Variants in PLCL2 observed in about 807,000 individuals in gnomAD.
PLCL2 encodes phospholipase C like 2, also known as inactive phospholipase C-like protein 2.
In PLCL2, 4 loss-of-function variants were observed where a neutral mutation model predicts 79.6. That is an observed-to-expected ratio of 0.05 (90% CI 0.02 to 0.11). The LOEUF (loss-of-function observed/expected upper bound fraction) is 0.11. PLCL2 is among the 10% of genes least tolerant of loss of function. PLCL2 has a pLI of 1.00. For missense variants in PLCL2, 895 were observed against 1,291.0 expected (o/e 0.69, Z 4.70); for synonymous variants, 484 against 457.7 (o/e 1.06, Z -0.73).
chr3:16,992,146 A>C (rs1456779581), intron 1 of PLCL2, among the ~76,000 whole-genome samples: 1 of 152,204 alleles, frequency 6.6e-6, no homozygotes, highest in Non-Finnish European at 1.5e-5. Context: ...TTTTGACTTA[A>C]AATGAGAGAT....
At chr3:16,896,050 T>G (rs1429255023) in intron 1 of PLCL2, among the ~76,000 whole-genome samples, 3 of 152,222 alleles carry the variant, frequency 2.0e-5, no homozygotes, top group Non-Finnish European at 4.4e-5. Context: ...TAAAAATCCA[T>G]TAGGTTTTAC....
At chr3:16,976,523 A>C (rs549040702) in intron 1 of PLCL2, among the ~76,000 whole-genome samples, 1 of 152,322 alleles carries the variant, frequency 6.6e-6, no homozygotes, top group Non-Finnish European at 1.5e-5. Flanking sequence ...CTTTACTTAA[A>C]GTCAATTTAT....
Position 16,947,547 on chromosome 3 carries a change from C to T in PLCL2, c.328-62127C>T, listed in dbSNP as rs192686753. 5.6e-4 allele frequency among the ~76,000 whole-genome samples: 85 copies of T among 152,324 alleles called. 1 individual carries two copies. Among genetic ancestry groups the T allele is most frequent in the Admixed American group, 5.6e-3 (85 of 15,292 alleles). The stretch of plus-strand genomic sequence containing the variant: ...TGCACTTTTGGAGAGTATTTCATCA[C>T]ATCCATGGGGTGGAAGTGTTTTAGA... On this transcript the variant is annotated intron_variant, in intron 1 of 5. Transcript: ENST00000615277.
rs145166776 is a variant in PLCL2 at position 16,984,931 on chromosome 3, TA to T, written c.328-24733del. ...TGGGCAACAGAGCGAGACTACGTCT[TA>T]AAAAAAAAAGTCCCTATTATCCCTA... is the stretch of plus-strand genomic sequence containing the variant. On this transcript the variant is annotated intron_variant, in intron 1 of 5. Coordinates refer to ENST00000615277, the MANE Select transcript of PLCL2 (RefSeq NM_001144382.2). 9.4e-5 allele frequency among the ~76,000 whole-genome samples: 14 copies of T among 149,020 alleles called. 1 individual carries two copies. Among genetic ancestry groups the T allele is most frequent in the African/African-American group, 2.5e-4 (10 of 40,342 alleles).
intron 1 of PLCL2, among the ~76,000 whole-genome samples, chr3:16,977,607 A>G (rs900966004): frequency 7.9e-5 from 12 of 152,152 alleles, no homozygotes; most frequent in African/African-American, 2.7e-4. Flanking sequence ...TAGCCTCTAT[A>G]AGGTTCTAGA....
Position 16,894,998 on chromosome 3 carries a change from GAT to G in PLCL2, c.327+9639_327+9640del, listed in dbSNP as rs778652801. ...TAAATGCCAATGTAATTATTCAGAT[GAT>G]ATATATGTTTTGTGATATATCACAA... On this transcript the variant is annotated intron_variant, in intron 1 of 5. Coordinates refer to ENST00000615277, the MANE Select transcript of PLCL2 (RefSeq NM_001144382.2). 8.6e-5 allele frequency among the ~76,000 whole-genome samples: 13 copies of G among 151,788 alleles called. 1 individual carries two copies. The highest frequency in any genetic ancestry group is 4.2e-4 in the South Asian group (2 of 4,814).
intron 5 of PLCL2, among the ~76,000 whole-genome samples, chr3:17,075,546 A>T (rs1212147819): frequency 2.1e-5 from 1 of 47,858 alleles, no homozygotes. Context: ...TTCAATGTGT[A>T]AAAAAAAAAA....
At chr3:16,992,040 T>C (rs1426005302) in intron 1 of PLCL2, among the ~76,000 whole-genome samples, 1 of 152,104 alleles carries the variant, frequency 6.6e-6, no homozygotes, top group East Asian at 1.9e-4. Flanking sequence ...ACTTGAAGAG[T>C]TGAATTTTCA....
intron 1 of PLCL2, among the ~76,000 whole-genome samples, chr3:17,004,464 G>T (rs1191186064): frequency 1.3e-5 from 2 of 152,106 alleles, no homozygotes; most frequent in Non-Finnish European, 2.9e-5. Context: ...TTGCAATAAA[G>T]GGCCTTTCCA....
intron 1 of PLCL2, among the ~76,000 whole-genome samples, chr3:16,908,715 T>C (rs1696806323): frequency 6.6e-6 from 1 of 151,986 alleles, no homozygotes; most frequent in Non-Finnish European, 1.5e-5. Flanking sequence ...GTCTGGGAGG[T>C]GGGCAGCTCA....
At chr3:16,996,742 C>A (rs934830030) in intron 1 of PLCL2, among the ~76,000 whole-genome samples, 2 of 151,874 alleles carry the variant, frequency 1.3e-5, no homozygotes, top group Non-Finnish European at 2.9e-5. Context: ...CTCCATGTGG[C>A]CGTTTGGTAG....
intron 1 of PLCL2, among the ~76,000 whole-genome samples, chr3:16,911,183 G>A (rs576122901): frequency 0.013 from 1,941 of 151,434 alleles, 29 homozygotes; most frequent in Non-Finnish European, 0.02. Context: ...AACCCGGGGG[G>A]CGGAGGTTGT....
intron 1 of PLCL2, among the ~76,000 whole-genome samples, chr3:16,957,600 C>T (rs941385218): frequency 7.2e-4 from 110 of 152,152 alleles, no homozygotes; most frequent in African/African-American, 1.6e-3. Context: ...CTTTCTGTCT[C>T]GTTGATCTGT....
intron 1 of PLCL2, among the ~76,000 whole-genome samples, chr3:16,960,708 A>G (rs531071411): frequency 3.9e-5 from 6 of 152,206 alleles, no homozygotes; most frequent in African/African-American, 1.4e-4. Context: ...TTTTTCATTT[A>G]TGTCTTGTAT....
chr3:17,049,456 A>G (rs1032324054), intron 4 of PLCL2, among the ~76,000 whole-genome samples: 1 of 152,226 alleles, frequency 6.6e-6, no homozygotes, highest in Non-Finnish European at 1.5e-5. Flanking sequence ...AAAATCTGTT[A>G]GAACTGATAA....
intron 4 of PLCL2, among the ~76,000 whole-genome samples, chr3:17,049,315 G>A (rs1235078888): frequency 6.6e-6 from 1 of 152,152 alleles, no homozygotes; most frequent in East Asian, 1.9e-4. Context: ...AAGGTAATAG[G>A]CGAAGCAGCT....
At chr3:17,076,661 C>A (rs1291825565) in intron 5 of PLCL2, among the ~76,000 whole-genome samples, 2 of 152,074 alleles carry the variant, frequency 1.3e-5, no homozygotes, top group African/African-American at 4.8e-5. Flanking sequence ...TGCTACCATG[C>A]CTGGATAATT....
chr3:16,950,871 C>T (rs897058707), intron 1 of PLCL2, among the ~76,000 whole-genome samples: 1 of 152,008 alleles, frequency 6.6e-6, no homozygotes, highest in Non-Finnish European at 1.5e-5. Flanking sequence ...CATTGTATTT[C>T]TGCTTGTTCT....
chr3:17,010,208 A>G lies in PLCL2; in HGVS notation c.862A>G (p.Thr288Ala). The stretch of plus-strand genomic sequence containing the variant: ...TGATGTAGATAACCTTGGACATATA[A>G]CTCTGTGTAATGCTGTGCAATGTAT... Reference protein sequence around the residue: ...EIDVDNLGHITLCNAVQCIRN... With the variant: ...EIDVDNLGHIALCNAVQCIRN... Residue 288 changes from threonine to alanine, a missense_variant, in exon 2 of 6, where the codon ACT becomes GCT. Thr to Ala is a moderately conservative substitution (Grantham distance 58, BLOSUM62 0). Transcript: ENST00000615277. This position sits in a 1 kb window ranked among gnomAD's most constrained non-coding sequence, Gnocchi z 5.8. 1 of 1,614,038 alleles carries G rather than the reference A, an allele frequency of 6.2e-7. No homozygotes were observed. Among genetic ancestry groups the G allele is most frequent in the East Asian group, 2.2e-5 (1 of 44,870 alleles).
Sources: gnomAD v4.1 joint callset for allele counts (sites outside exome capture counted in the v4.1 genomes callset) on GRCh38, gnomAD v4.1.1 for gene constraint, Gnocchi (gnomAD v3.1) non-coding constraint, MANE v1.5 for transcripts, NCBI Gene and HGNC (gene_info 2026-07-23, HGNC 2026-07-21) for gene names.